The following TNFSF8 variants were observed in gnomAD, a reference collection of about 807,000 sequenced individuals.
The protein encoded by TNFSF8 is tumor necrosis factor ligand superfamily member 8.
Under a neutral mutation model 22.0 loss-of-function variants are expected in TNFSF8, and 4 were observed. The ratio of observed to expected loss-of-function variants is 0.18; its 90% CI spans 0.09 to 0.42. The LOEUF (loss-of-function observed/expected upper bound fraction) is 0.42. Ranked by LOEUF, TNFSF8 falls within the 10% of genes least tolerant of loss-of-function variation. TNFSF8 has a pLI of 1.00. For synonymous variants in TNFSF8, 106 were observed against 112.5 expected, an observed-to-expected ratio of 0.94 and a Z score of 0.37; for missense variants, 233 against 281.8, an observed-to-expected ratio of 0.83 and a Z score of 1.24.
At chr9:114,907,715 G>T (rs981680144) in intron 2 of TNFSF8, among the ~76,000 whole-genome samples, 9 of 151,998 alleles carry the variant, frequency 5.9e-5, no homozygotes, top group African/African-American at 1.9e-4. Context: ...AATATGAATG[G>T]TCATAACTAA....
intron 2 of TNFSF8, among the ~76,000 whole-genome samples, chr9:114,906,209 A>T (rs750017473): frequency 3.9e-5 from 6 of 152,178 alleles, no homozygotes; most frequent in South Asian, 2.1e-4. Context: ...TACGTATTTC[A>T]TCTCCTTAAT....
At chr9:114,929,979 G>T (rs56067579) in intron 1 of TNFSF8, 130 bp downstream of exon 1, 45,233 of 386,476 alleles carry the variant, frequency 0.12, 2,640 homozygotes, top group African/African-American at 0.14. Flanking sequence ...TATATATATA[G>T]AGAGAGAGAG....
downstream of TNFSF8, among the ~76,000 whole-genome samples, chr9:114,899,695 G>A (rs1827696019): frequency 6.6e-6 from 1 of 152,186 alleles, no homozygotes; most frequent in African/African-American, 2.4e-5. Flanking sequence ...CACATACCAT[G>A]TTGGATTGTA....
intron 3 of TNFSF8, among the ~76,000 whole-genome samples, chr9:114,905,168 C>A (rs1015232860): frequency 2.0e-5 from 3 of 152,206 alleles, no homozygotes; most frequent in Non-Finnish European, 4.4e-5. Context: ...TCCCTTTAAA[C>A]CTCGTTGCAA....
In TNFSF8 at chr9:114,902,293, C is replaced by G; in HGVS notation, c.*1638G>C. The G allele has an allele frequency of 1.0e-6, 1 of 985,326 alleles. No individual in the cohort carries two copies. The highest frequency in any genetic ancestry group is 1.2e-6 in the Non-Finnish European group (1 of 829,918). 61.0% of individuals were successfully genotyped at this position (985,326 alleles called of 1,614,324 possible). The stretch of plus-strand genomic sequence containing the variant: ...CTTTGTGGGGATATAAAAACCCTCG[C>G]GGAACTGGTTTTCTGAGAGGTGTTT... On this transcript the variant is annotated 3_prime_UTR_variant, in exon 4 of 4. Transcript: ENST00000223795.
chr9:114,923,326 G>A (rs1828012156), intron 1 of TNFSF8, among the ~76,000 whole-genome samples: 1 of 152,044 alleles, frequency 6.6e-6, no homozygotes, highest in Non-Finnish European at 1.5e-5. Flanking sequence ...TAATAAATTT[G>A]GAAGGAGTGA....
chr9:114,894,208 GAT>G, intron 4 of TNFSF8: 1 of 1,472,176 alleles, frequency 6.8e-7, no homozygotes, highest in African/African-American at 1.4e-5. Context: ...CGGCAGGAGA[GAT>G]GTGATACATT....
intron 1 of TNFSF8, among the ~76,000 whole-genome samples, chr9:114,928,205 G>T (rs964673719): frequency 2.6e-5 from 4 of 152,096 alleles, no homozygotes; most frequent in Non-Finnish European, 5.9e-5. Flanking sequence ...CAAGGAAGTG[G>T]ATGCACAAGA....
At chr9:114,923,632 C>T (rs1266372235) in intron 1 of TNFSF8, among the ~76,000 whole-genome samples, 2 of 151,722 alleles carry the variant, frequency 1.3e-5, no homozygotes, top group Non-Finnish European at 2.9e-5. Context: ...ATTCTCCTGC[C>T]TCAGCCTCCC....
At position 114,901,723 on chromosome 9, in the gene TNFSF8, C is replaced by T; in HGVS notation, c.*2208G>A. The stretch of plus-strand genomic sequence containing the variant: ...ATTTGGCTTGCTGAATTCAACACCT[C>T]TTCCAATGCCTGCTTCTCCCAAAGA... On this transcript the variant is annotated 3_prime_UTR_variant, in exon 4 of 4. Transcript: ENST00000223795. The T allele has an allele frequency of 1.0e-6, 1 of 985,402 alleles. No individual in the cohort carries two copies. Among genetic ancestry groups the T allele is most frequent in the Non-Finnish European group, 1.2e-6 (1 of 829,918 alleles). 61.0% of individuals were successfully genotyped at this position (985,402 alleles called of 1,614,324 possible).
intron 2 of TNFSF8, among the ~76,000 whole-genome samples, chr9:114,912,787 G>A (rs1827868530): frequency 6.6e-6 from 1 of 152,178 alleles, no homozygotes; most frequent in African/African-American, 2.4e-5. Context: ...TGCCTTCAAG[G>A]TGCAGCTTTT....
intron 1 of TNFSF8, among the ~76,000 whole-genome samples, chr9:114,926,273 C>A (rs1251846201): frequency 2.0e-5 from 3 of 151,852 alleles, no homozygotes; most frequent in African/African-American, 7.3e-5. Context: ...ACTAAAAATA[C>A]AAAAAAATTA....
chr9:114,924,142 G>T (rs1344060822), intron 1 of TNFSF8, among the ~76,000 whole-genome samples: 4 of 152,174 alleles, frequency 2.6e-5, no homozygotes, highest in African/African-American at 9.7e-5. Context: ...TTAGCTCGGT[G>T]CTTCTCAAAC....
At chr9:114,906,782 A>G (rs181099228) in intron 2 of TNFSF8, among the ~76,000 whole-genome samples, 1 of 152,288 alleles carries the variant, frequency 6.6e-6, no homozygotes. Context: ...TACAGTAACT[A>G]CTTAATATTT....
downstream of TNFSF8, among the ~76,000 whole-genome samples, chr9:114,900,940 C>G (rs1032276248): frequency 2.0e-5 from 3 of 152,116 alleles, no homozygotes; most frequent in Admixed American, 2.0e-4. Context: ...CAAGATAGCA[C>G]CACTCCACTC....
chr9:114,918,540 C>T (rs754131989), intron 1 of TNFSF8, among the ~76,000 whole-genome samples: 1 of 152,026 alleles, frequency 6.6e-6, no homozygotes. Context: ...GCTTCATCCT[C>T]CTGAGTTCAA....
chr9:114,916,229 C>T (rs538222157), intron 2 of TNFSF8, among the ~76,000 whole-genome samples: 17 of 152,248 alleles, frequency 1.1e-4, no homozygotes, highest in Non-Finnish European at 2.5e-4. Flanking sequence ...AGGAAGAGTG[C>T]CTCTTACATT....
chr9:114,916,193 CA>C, intron 2 of TNFSF8, among the ~76,000 whole-genome samples: 1 of 152,292 alleles, frequency 6.6e-6, no homozygotes, highest in South Asian at 2.1e-4. Flanking sequence ...GACATTTTGA[CA>C]CACAAAAATG....
At chr9:114,918,888 C>A (rs1391727306) in intron 1 of TNFSF8, among the ~76,000 whole-genome samples, 2 of 152,232 alleles carry the variant, frequency 1.3e-5, no homozygotes, top group Non-Finnish European at 2.9e-5. Flanking sequence ...TGTGAGCTAT[C>A]ACACTCGGCT....
Sources: allele counts gnomAD v4.1 joint callset (sites outside exome capture counted in the v4.1 genomes callset), GRCh38; gene constraint gnomAD v4.1.1; transcripts MANE v1.5; gene names NCBI Gene and HGNC (gene_info 2026-07-23, HGNC 2026-07-21).